TAFA1: variants seen among roughly 807,000 people sequenced by gnomAD.
The protein encoded by TAFA1 is TAFA chemokine like family member 1, also known as chemokine-like protein TAFA-1.
A neutral mutation model predicts 18.5 loss-of-function variants in TAFA1; 4 were observed. That is an observed-to-expected ratio of 0.22 (90% confidence interval 0.11 to 0.49). TAFA1 has a LOEUF of 0.49. TAFA1 is among the 20% of genes least tolerant of loss of function. The probability of loss-of-function intolerance (pLI) is 0.98; values close to 1 mark genes in which losing one functional copy is unlikely to be tolerated. For missense variants in TAFA1, 147 were observed against 169.0 expected, an observed-to-expected ratio of 0.87 and a Z score of 0.72; for synonymous variants, 56 against 55.2, an observed-to-expected ratio of 1.01 and a Z score of -0.06.
At chr3:68,268,830 A>T (rs1330923717) in intron 2 of TAFA1, among the ~76,000 whole-genome samples, 1 of 152,180 alleles carries the variant, frequency 6.6e-6, no homozygotes, top group Non-Finnish European at 1.5e-5. Context: ...CATGATAATT[A>T]AAAAAGATGT....
At chr3:68,127,495 T>C (rs2065477696) in intron 2 of TAFA1, among the ~76,000 whole-genome samples, 2 of 150,478 alleles carry the variant, frequency 1.3e-5, no homozygotes, top group African/African-American at 4.9e-5. Context: ...GTCTTGAAGA[T>C]TTTGGCTAAT....
At chr3:68,297,581 A>G (rs2068231642) in intron 2 of TAFA1, among the ~76,000 whole-genome samples, 1 of 152,190 alleles carries the variant, frequency 6.6e-6, no homozygotes, top group Non-Finnish European at 1.5e-5. Flanking sequence ...ATTGCATTCA[A>G]AATTCAGTTT....
chr3:68,468,401 A>G (rs1051048052), intron 3 of TAFA1, among the ~76,000 whole-genome samples: 4 of 152,154 alleles, frequency 2.6e-5, no homozygotes, highest in Admixed American at 2.6e-4. Context: ...ACAAAACTTT[A>G]TTTGACAGTA....
At chr3:68,251,928 G>A (rs2067204230) in intron 2 of TAFA1, among the ~76,000 whole-genome samples, 1 of 152,202 alleles carries the variant, frequency 6.6e-6, no homozygotes, top group African/African-American at 2.4e-5. Context: ...TGTCACATAT[G>A]TGGGAAGCCC....
chr3:68,437,332 G>T (rs550842135), intron 3 of TAFA1, among the ~76,000 whole-genome samples: 25 of 152,272 alleles, frequency 1.6e-4, no homozygotes, highest in Non-Finnish European at 2.9e-4. Context: ...AGAGAATATA[G>T]TTTAAAATAG....
chr3:67,999,403 A>G (rs1480746672), upstream of TAFA1, among the ~76,000 whole-genome samples: 1 of 152,076 alleles, frequency 6.6e-6, no homozygotes, highest in African/African-American at 2.4e-5. Context: ...TTAATTTACC[A>G]CGTTCCCTTG....
chr3:68,449,770 A>G (rs989906701), intron 3 of TAFA1, among the ~76,000 whole-genome samples: 4 of 152,212 alleles, frequency 2.6e-5, no homozygotes, highest in Non-Finnish European at 4.4e-5. Context: ...TCAAGCTTAA[A>G]GCACATTTTT....
intron 3 of TAFA1, among the ~76,000 whole-genome samples, chr3:68,453,838 T>C (rs1433284292): frequency 3.9e-5 from 6 of 152,200 alleles, no homozygotes; most frequent in African/African-American, 1.2e-4. Context: ...ATATTTCCCA[T>C]AATCCTCTGC....
At chr3:68,190,535 T>C (rs1055660915) in intron 2 of TAFA1, among the ~76,000 whole-genome samples, 3 of 151,910 alleles carry the variant, frequency 2.0e-5, no homozygotes, top group African/African-American at 7.2e-5. Context: ...CTCAGGGTCA[T>C]TTGGAATCTG....
At chr3:68,361,197 A>T (rs1040187105) in intron 2 of TAFA1, among the ~76,000 whole-genome samples, 3 of 152,072 alleles carry the variant, frequency 2.0e-5, no homozygotes, top group African/African-American at 7.2e-5. Context: ...ATGCAGCAAC[A>T]TTGATGGAAC....
At position 68,503,013 on chromosome 3, in the gene TAFA1, G is replaced by A. The variant is rs537597675; in HGVS notation, c.260-35743G>A. Reference sequence around the variant, plus strand: ...TTATTCTGCCATAAAAAGGAATGATGTATAGCCCAAGTATCCCTAATCCAA... The same window carrying A: ...TTATTCTGCCATAAAAAGGAATGATATATAGCCCAAGTATCCCTAATCCAA... On this transcript the variant is annotated intron_variant, in intron 3 of 4. Coordinates refer to ENST00000478136, the MANE Select transcript of TAFA1 (RefSeq NM_213609.4). 4.5e-3 allele frequency among the ~76,000 whole-genome samples: 692 copies of A among 152,256 alleles called. 5 individuals carry two copies. Among genetic ancestry groups the A allele is most frequent in the Non-Finnish European group, 4.8e-3 (326 of 68,010 alleles).
intron 2 of TAFA1, among the ~76,000 whole-genome samples, chr3:68,370,227 G>A (rs1481994225): frequency 1.6e-5 from 2 of 128,404 alleles, no homozygotes; most frequent in South Asian, 2.6e-4. Flanking sequence ...GGCGGAGGTT[G>A]CAGTGAGCCA....
rs184825711 is a variant in TAFA1, at chr3:68,413,817, A to C, written c.119-3463A>C. ...GCTAAGGGGAGTATGATTTATTTTA[A>C]GTAGACAGGTCAAGTGTGCCTCTGA... is the stretch of plus-strand genomic sequence containing the variant. On this transcript the variant is annotated intron_variant, in intron 2 of 4. Transcript: ENST00000478136. Among the ~76,000 whole-genome samples the C allele has an allele frequency of 1.2e-4, 18 of 152,262 alleles. No homozygotes were observed. In the East Asian group the frequency reaches 3.1e-3, roughly 26 times the overall value.
chr3:68,355,327 G>C (rs1294351852), intron 2 of TAFA1, among the ~76,000 whole-genome samples: 1 of 151,840 alleles, frequency 6.6e-6, no homozygotes, highest in East Asian at 1.9e-4. Context: ...TTGAATTCAG[G>C]CTACCCCATT....
intron 2 of TAFA1, among the ~76,000 whole-genome samples, chr3:68,299,690 A>T (rs551866457): frequency 6.6e-6 from 1 of 152,312 alleles, no homozygotes; most frequent in African/African-American, 2.4e-5. Flanking sequence ...CTGGAGGCCT[A>T]GGAGGAAAAA....
chr3:68,321,448 G>A (rs78642411), intron 2 of TAFA1, among the ~76,000 whole-genome samples: 2,879 of 152,240 alleles, frequency 0.019, 85 homozygotes, highest in African/African-American at 0.065. Flanking sequence ...AAGAAAGAGG[G>A]AAGTTAATAA....
At chr3:68,377,930 T>A (rs1430850510) in intron 2 of TAFA1, among the ~76,000 whole-genome samples, 1 of 152,154 alleles carries the variant, frequency 6.6e-6, no homozygotes, top group Admixed American at 6.5e-5. Context: ...CACGTGGTGA[T>A]GGGCCTGTGG....
At chr3:68,178,699 C>T (rs1328099192) in intron 2 of TAFA1, among the ~76,000 whole-genome samples, 3 of 152,162 alleles carry the variant, frequency 2.0e-5, no homozygotes, top group African/African-American at 4.8e-5. Flanking sequence ...TTGGCTGGAC[C>T]ACAAGGAAGG....
At chr3:68,267,282 A>G (rs1322940922) in intron 2 of TAFA1, among the ~76,000 whole-genome samples, 2 of 152,206 alleles carry the variant, frequency 1.3e-5, no homozygotes. Context: ...TAAGAAACTT[A>G]CTGAACCCAT....
Sources: gnomAD v4.1 joint callset for allele counts (sites outside exome capture counted in the v4.1 genomes callset) on GRCh38, gnomAD v4.1.1 for gene constraint, MANE v1.5 for transcripts, NCBI Gene and HGNC (gene_info 2026-07-23, HGNC 2026-07-21) for gene names.